The following BLMH variants were observed in gnomAD, a reference collection of about 807,000 sequenced individuals.
BLMH encodes the protein bleomycin hydrolase.
In BLMH, 32 loss-of-function variants were observed where a neutral mutation model predicts 61.6. That is an observed-to-expected ratio of 0.52 (90% CI 0.39 to 0.70). BLMH has a LOEUF of 0.70. BLMH is among the 30% of genes least tolerant of loss of function. The pLI is 0.00. For synonymous variants in BLMH, 183 were observed against 193.8 expected, an observed-to-expected ratio of 0.94 and a Z score of 0.46; for missense variants, 460 against 555.5, an observed-to-expected ratio of 0.83 and a Z score of 1.73.
At chr17:30,272,375 A>G in intron 9 of BLMH, 186 bp downstream of exon 9, 1 of 677,558 alleles carries the variant, frequency 1.5e-6, no homozygotes, top group Non-Finnish European at 2.6e-6. Flanking sequence ...GTCCTGGGTT[A>G]GAGTGTTTAA....
intron 11 of BLMH, among the ~76,000 whole-genome samples, chr17:30,266,389 G>T (rs994855138): frequency 1.3e-5 from 2 of 151,696 alleles, no homozygotes. Context: ...GCTGGGAGTG[G>T]TGGCGGGTGC....
intron 11 of BLMH, chr17:30,252,044 G>A (rs1907682181): frequency 6.6e-6 from 1 of 152,102 alleles, no homozygotes; most frequent in African/African-American, 2.4e-5. Flanking sequence ...CTGAATTCCT[G>A]TATCTGCATC....
rs1211935256 is a variant in BLMH, at chr17:30,248,747, A to G, written c.*270T>C. 74 of 392,334 alleles carry G rather than the reference A, an allele frequency of 1.9e-4. No individual in the cohort carries two copies. The highest frequency in any genetic ancestry group is 2.7e-4 in the Non-Finnish European group (59 of 217,952). 24.3% of individuals were successfully genotyped at this position (392,334 alleles called of 1,614,324 possible). A position where few individuals can be genotyped will look rare whatever the true frequency, so the allele number is the denominator to read the frequency against. The stretch of plus-strand genomic sequence containing the variant: ...TTGACAGTTAAAGACAAACAATTAC[A>G]TCTAATTAAAATGCTAAGAGATCCT... On this transcript the variant is annotated 3_prime_UTR_variant, in exon 12 of 12. Coordinates refer to ENST00000261714, the MANE Select transcript of BLMH (RefSeq NM_000386.4).
At chr17:30,268,887 A>C (rs1597661263) in intron 10 of BLMH, among the ~76,000 whole-genome samples, 1 of 150,230 alleles carries the variant, frequency 6.7e-6, no homozygotes, top group Non-Finnish European at 1.5e-5. Flanking sequence ...AAATACAAAA[A>C]AAAAAAAAAA....
intron 9 of BLMH, 26 bp from the exon 10 acceptor site, chr17:30,271,414 TA>T (rs768961878): frequency 2.5e-6 from 4 of 1,576,108 alleles, no homozygotes; most frequent in African/African-American, 1.4e-5. Context: ...TAGTACAAAA[TA>T]AAGGGAGTAC....
At chr17:30,257,736 G>A (rs1227118687) in intron 11 of BLMH, among the ~76,000 whole-genome samples, 1 of 152,166 alleles carries the variant, frequency 6.6e-6, no homozygotes, top group Non-Finnish European at 1.5e-5. Flanking sequence ...ACAATGCTGT[G>A]AGGAAAGAGG....
chr17:30,288,825 G>A (rs1280151401), intron 3 of BLMH, among the ~76,000 whole-genome samples: 2 of 152,086 alleles, frequency 1.3e-5, no homozygotes, highest in African/African-American at 4.8e-5. Flanking sequence ...AAATTAGCTG[G>A]GCATGGTGGC....
chr17:30,290,280 T>C (rs568920780), intron 2 of BLMH, among the ~76,000 whole-genome samples: 5 of 152,224 alleles, frequency 3.3e-5, no homozygotes, highest in African/African-American at 4.8e-5. Flanking sequence ...ATCTTTTGTA[T>C]GTAAAAGTGA....
At position 30,291,516 on chromosome 17, in the gene BLMH, G is replaced by A; in HGVS notation, c.14-8C>T. On this transcript the variant is annotated splice_polypyrimidine_tract_variant and splice_region_variant and intron_variant, in intron 1 of 11. Coordinates refer to ENST00000261714, the MANE Select transcript of BLMH (RefSeq NM_000386.4). ...CCTTCTCCGAATTCAGTCCTGTTGGGAGACCAAACAGGATTTTAACGCAAA... is the reference window on the plus strand; with the variant it reads ...CCTTCTCCGAATTCAGTCCTGTTGGAAGACCAAACAGGATTTTAACGCAAA... 1.2e-6 allele frequency: 2 copies of A among 1,613,224 alleles called. No homozygotes were observed. Among genetic ancestry groups the A allele is most frequent in the Non-Finnish European group, 1.7e-6 (2 of 1,179,238 alleles).
At position 30,274,027 on chromosome 17, in the gene BLMH, G is replaced by A. The variant is rs1460531354; in HGVS notation, c.801+15C>T. 2 of 1,613,898 alleles carry A rather than the reference G, an allele frequency of 1.2e-6. No individual in the cohort carries two copies. The highest frequency in any genetic ancestry group is 1.7e-6 in the Non-Finnish European group (2 of 1,179,848). Reference sequence around the variant, plus strand: ...GAAAGTAAACAGCCAGTGACTACCAGTGCCATTCACCAACCTTATCTTCCA... The same window carrying A: ...GAAAGTAAACAGCCAGTGACTACCAATGCCATTCACCAACCTTATCTTCCA... On this transcript the variant is annotated intron_variant, in intron 7 of 11. Coordinates refer to ENST00000261714, the MANE Select transcript of BLMH (RefSeq NM_000386.4).
chr17:30,262,722 G>A (rs1456598783), intron 11 of BLMH, among the ~76,000 whole-genome samples: 2 of 152,198 alleles, frequency 1.3e-5, no homozygotes, highest in East Asian at 3.9e-4. Context: ...GTGAACCTGG[G>A]AGGCGAAGCT....
At chr17:30,265,798 T>C (rs1050323013) in intron 11 of BLMH, among the ~76,000 whole-genome samples, 1 of 152,188 alleles carries the variant, frequency 6.6e-6, no homozygotes, top group Non-Finnish European at 1.5e-5. Flanking sequence ...GGTACACATA[T>C]GCCATGGTGA....
At chr17:30,274,271 T>C (rs1908359388) in intron 6 of BLMH, 74 bp from the exon 7 acceptor site, 1 of 1,503,470 alleles carries the variant, frequency 6.7e-7, no homozygotes, top group Non-Finnish European at 8.9e-7. Flanking sequence ...TCATTTTCCT[T>C]AAGCTTAGGA....
chr17:30,291,927 C>G lies in BLMH; in HGVS notation c.-108G>C. The G allele has an allele frequency of 8.4e-7, 1 of 1,197,076 alleles. No individual in the cohort carries two copies. Among genetic ancestry groups the G allele is most frequent in the Non-Finnish European group, 1.1e-6 (1 of 939,794 alleles). 74.2% of individuals were successfully genotyped at this position (1,197,076 alleles called of 1,614,324 possible). ...AGGGGGCCCGACCTGTCTCTCGCAC[C>G]CGGAGCGCCGGAAAAAGGAAACCGG... is the stretch of plus-strand genomic sequence containing the variant. On this transcript the variant is annotated 5_prime_UTR_variant, in exon 1 of 12. Coordinates refer to ENST00000261714, the MANE Select transcript of BLMH (RefSeq NM_000386.4).
At position 30,291,362 on chromosome 17, in the gene BLMH, G is replaced by A; in HGVS notation, c.160C>T (p.Gln54Ter). ...ATVQRAQHVF[Q>*]HAVPQEGKPI... ...TTGCCCTCCTGGGGCACGGCGTGCT[G>A]GAACACATGCTGCGCGCGCTGCACC... is the stretch of plus-strand genomic sequence containing the variant. The change falls in exon 2 of 12, where the codon CAG (glutamine) becomes TAG (stop). Residue 54 changes from glutamine (Q) to a stop codon, truncating the protein, a stop_gained. Coordinates refer to ENST00000261714, the MANE Select transcript of BLMH (RefSeq NM_000386.4). LOFTEE classifies it high-confidence loss of function. The A allele has an allele frequency of 6.2e-7, 1 of 1,613,070 alleles. No homozygotes were observed. Among genetic ancestry groups the A allele is most frequent in the Non-Finnish European group, 8.5e-7 (1 of 1,180,000 alleles).
chr17:30,291,611 C>T (rs1040222865), intron 1 of BLMH, 103 bp from the exon 2 acceptor site: 1 of 1,471,224 alleles, frequency 6.8e-7, no homozygotes, highest in Admixed American at 1.9e-5. Context: ...TCCTGGGGTG[C>T]CCGCTGCAGC....
rs576860161 is a variant in BLMH, at chr17:30,272,632, GA to G, written c.961-5del. ...CATCACAGCCAAACCACACAGCCTA[GA>G]AACAGAAGAAAGAGGAAGAAAGTCA... On this transcript the variant is annotated splice_region_variant and splice_polypyrimidine_tract_variant and intron_variant, in intron 8 of 11. Coordinates refer to ENST00000261714, the MANE Select transcript of BLMH (RefSeq NM_000386.4). 4.7e-4 allele frequency: 753 copies of G among 1,614,120 alleles called. 8 individuals are homozygous for G. In the African/African-American group the frequency reaches 8.9e-3, roughly 19 times the overall value.
intron 11 of BLMH, 72 bp downstream of exon 11, chr17:30,266,813 A>C: frequency 7.4e-7 from 1 of 1,348,238 alleles, no homozygotes; most frequent in Non-Finnish European, 1.1e-6. Flanking sequence ...ACACTAGAGC[A>C]GCTTGACACC....
rs1216199410 is a variant in BLMH, at chr17:30,248,821, C to G, written c.*196G>C. 7 of 605,582 alleles carry G rather than the reference C, an allele frequency of 1.2e-5. No homozygotes were observed. The South Asian group carries it at 1.4e-4, about 12-fold the overall frequency. The allele number at this position is 605,582 out of a possible 1,614,324, so 37.5% of individuals were successfully genotyped here. The stretch of plus-strand genomic sequence containing the variant: ...AGATAGTATGACCTGATCTTCCCCC[C>G]TCTTTTTTTTCCTTTAACAGTATTC... On this transcript the variant is annotated 3_prime_UTR_variant, in exon 12 of 12. Transcript: ENST00000261714.
Sources: allele counts gnomAD v4.1 joint callset (sites outside exome capture counted in the v4.1 genomes callset), GRCh38; gene constraint gnomAD v4.1.1; transcripts MANE v1.5; gene names NCBI Gene and HGNC (gene_info 2026-07-23, HGNC 2026-07-21).